PCDHA7: variants seen among roughly 807,000 people sequenced by gnomAD.
PCDHA7 encodes protocadherin alpha-7.
PCDHA7 carries 37 observed loss-of-function variants against 57.2 expected under a neutral mutation model. The ratio of observed to expected loss-of-function variants is 0.65; its 90% CI spans 0.50 to 0.85. PCDHA7 has a LOEUF of 0.85. Among genes scored for constraint, PCDHA7 ranks in the 40% least tolerant of loss-of-function variants. The pLI, the probability that PCDHA7 is intolerant of heterozygous loss-of-function variation, is 0.00. For synonymous variants in PCDHA7, 553 were observed against 558.8 expected, an observed-to-expected ratio of 0.99 and a Z score of 0.15; for missense variants, 1,188 against 1,241.8, an observed-to-expected ratio of 0.96 and a Z score of 0.65.
At chr5:140,905,343 G>C (rs2071757275) in intron 1 of PCDHA7, among the ~76,000 whole-genome samples, 1 of 152,148 alleles carries the variant, frequency 6.6e-6, no homozygotes, top group Non-Finnish European at 1.5e-5. Context: ...TCAGTTGGCT[G>C]TAAGTATTTG....
At chr5:140,910,911 T>G (rs1326687303) in intron 1 of PCDHA7, among the ~76,000 whole-genome samples, 1 of 152,170 alleles carries the variant, frequency 6.6e-6, no homozygotes, top group African/African-American at 2.4e-5. Context: ...CCTCCAGATT[T>G]TTGCTTATAT....
intron 1 of PCDHA7, among the ~76,000 whole-genome samples, chr5:140,874,456 A>T (rs1554167207): frequency 6.6e-6 from 1 of 152,236 alleles, no homozygotes; most frequent in Non-Finnish European, 1.5e-5. Flanking sequence ...AATGACCTGT[A>T]GGGGAAGATT....
chr5:140,989,727 A>G (rs1203211477), intron 3 of PCDHA7, among the ~76,000 whole-genome samples: 2 of 152,308 alleles, frequency 1.3e-5, no homozygotes, highest in East Asian at 3.9e-4. Flanking sequence ...TTTGCAGTTG[A>G]AAAGGCCATT....
At chr5:140,846,469 G>T (rs1554141344) in intron 1 of PCDHA7, among the ~76,000 whole-genome samples, 1 of 143,096 alleles carries the variant, frequency 7.0e-6, no homozygotes, top group Non-Finnish European at 1.5e-5. Flanking sequence ...CTGCCTCCCG[G>T]GTTCAAATGA....
At chr5:140,981,824 C>T (rs1350256595) in intron 2 of PCDHA7, among the ~76,000 whole-genome samples, 4 of 152,108 alleles carry the variant, frequency 2.6e-5, no homozygotes, top group African/African-American at 7.2e-5. Flanking sequence ...CTCTGCTTGC[C>T]TCTAAAGGTC....
At chr5:140,994,248 G>A (rs188394827) in intron 3 of PCDHA7, among the ~76,000 whole-genome samples, 1 of 152,238 alleles carries the variant, frequency 6.6e-6, no homozygotes, top group East Asian at 1.9e-4. Flanking sequence ...TCAAACCCTA[G>A]GTAAATAAGG....
At chr5:140,937,378 G>A (rs1248709474) in intron 1 of PCDHA7, among the ~76,000 whole-genome samples, 2 of 152,248 alleles carry the variant, frequency 1.3e-5, no homozygotes, top group East Asian at 1.9e-4. Context: ...GTTTATGTGT[G>A]TGTATGTGTA....
chr5:141,005,819 G>A, intron 3 of PCDHA7, among the ~76,000 whole-genome samples: 1 of 151,636 alleles, frequency 6.6e-6, no homozygotes, highest in South Asian at 2.1e-4. Context: ...CAGGTATGGT[G>A]GCCTGTAGTC....
At chr5:140,876,321 G>T (rs2153339560) in intron 1 of PCDHA7, 2 of 1,614,030 alleles carry the variant, frequency 1.2e-6, no homozygotes, top group East Asian at 2.2e-5. Context: ...GGATCAAAAT[G>T]ATTTTGCCAG....
chr5:140,980,091 T>A (rs2096876102), intron 2 of PCDHA7, among the ~76,000 whole-genome samples: 1 of 152,218 alleles, frequency 6.6e-6, no homozygotes, highest in Non-Finnish European at 1.5e-5. Flanking sequence ...GTAGTTGGCT[T>A]GGTAAGATGT....
intron 1 of PCDHA7, chr5:140,883,472 A>G (rs782442737): frequency 1.2e-5 from 20 of 1,614,018 alleles, no homozygotes; most frequent in Non-Finnish European, 1.4e-5. Context: ...GTCCACCTAC[A>G]AGAACTACTA....
At chr5:140,922,548 G>T (rs2080883425) in intron 1 of PCDHA7, among the ~76,000 whole-genome samples, 2 of 152,172 alleles carry the variant, frequency 1.3e-5, no homozygotes, top group Non-Finnish European at 2.9e-5. Flanking sequence ...GCAAGGTAAG[G>T]AGAAAAGTCA....
intron 1 of PCDHA7, among the ~76,000 whole-genome samples, chr5:140,879,635 G>A (rs190054745): frequency 3.8e-4 from 58 of 152,286 alleles, no homozygotes; most frequent in African/African-American, 1.2e-3. Context: ...TAAGTGTGTC[G>A]CTTCCTGTGG....
In PCDHA7 at chr5:140,870,510, A is replaced by G. The variant is rs185967358; in HGVS notation, c.2355+33772A>G. On this transcript the variant is annotated intron_variant, in intron 1 of 3. Transcript: ENST00000525929. ...TGTTCGTGAAGGAGAACAACCCACCAGGCTGCCACATCTTCACAGTGTCGG... is the reference window on the plus strand; with the variant it reads ...TGTTCGTGAAGGAGAACAACCCACCGGGCTGCCACATCTTCACAGTGTCGG... 4.8e-3 allele frequency: 7,668 copies of G among 1,614,220 alleles called. 19 individuals carry two copies. The highest frequency in any genetic ancestry group is 5.8e-3 in the Non-Finnish European group (6,886 of 1,180,042).
chr5:140,857,656 G>C (rs1269090821), intron 1 of PCDHA7: 1 of 1,596,806 alleles, frequency 6.3e-7, no homozygotes, highest in Non-Finnish European at 8.6e-7. Flanking sequence ...AGGTGAGCGC[G>C]CGCGATGGGG....
chr5:140,997,664 C>A (rs2097778003), intron 3 of PCDHA7, among the ~76,000 whole-genome samples: 1 of 142,906 alleles, frequency 7.0e-6, no homozygotes, highest in African/African-American at 2.5e-5. Context: ...TATTATTATA[C>A]AGCTTGTGTG....
chr5:140,956,979 A>C (rs2153711830), intron 1 of PCDHA7, among the ~76,000 whole-genome samples: 1 of 152,346 alleles, frequency 6.6e-6, no homozygotes, highest in South Asian at 2.1e-4. Context: ...AATTTAAGTA[A>C]AATAAATTCA....
rs1443126988 is a variant in PCDHA7 at position 140,960,088 on chromosome 5, A to G, written c.2356-18861A>G. Among the ~76,000 whole-genome samples, 6 of 152,248 alleles carry G rather than the reference A, an allele frequency of 3.9e-5. No homozygotes were observed. The East Asian group carries it at 5.8e-4, about 15-fold the overall frequency. ...TTCAATTGAAGTTTCTAAAAGAGAA[A>G]GAAACTTGTAGTTGTGGGAACAATA... On this transcript the variant is annotated intron_variant, in intron 1 of 3. Coordinates refer to ENST00000525929, the MANE Select transcript of PCDHA7 (RefSeq NM_018910.3).
chr5:140,869,867 C>A (rs1554163562), intron 1 of PCDHA7: 7 of 1,609,988 alleles, frequency 4.3e-6, no homozygotes, highest in Non-Finnish European at 5.9e-6. Context: ...ATGGAAAATG[C>A]TGCTAAAGAA....
Sources: gnomAD v4.1 joint callset for allele counts (sites outside exome capture counted in the v4.1 genomes callset) on GRCh38, gnomAD v4.1.1 for gene constraint, MANE v1.5 for transcripts, NCBI Gene and HGNC (gene_info 2026-07-23, HGNC 2026-07-21) for gene names.